The following KCTD8 variants were observed in gnomAD, a reference collection of about 807,000 sequenced individuals.
KCTD8 encodes the protein BTB/POZ domain-containing protein KCTD8.
A neutral mutation model predicts 31.5 loss-of-function variants in KCTD8; 27 were observed. The ratio of observed to expected loss-of-function variants is 0.86; its 90% confidence interval spans 0.63 to 1.18. The LOEUF is 1.18. Ranked by LOEUF, KCTD8 falls within the 50% of genes most tolerant of loss-of-function variation. The probability of loss-of-function intolerance (pLI) is 0.00; values close to 1 mark genes in which losing one functional copy is unlikely to be tolerated. For missense variants in KCTD8, 658 were observed against 647.7 expected, an observed-to-expected ratio of 1.02 and a Z score of -0.17; for synonymous variants, 290 against 280.0, an observed-to-expected ratio of 1.04 and a Z score of -0.36.
At chr4:44,441,887 G>A (rs556962187) in intron 1 of KCTD8, among the ~76,000 whole-genome samples, 79 of 152,098 alleles carry the variant, frequency 5.2e-4, no homozygotes, top group Admixed American at 1.4e-3. Context: ...CAAAATATTC[G>A]ATACCAATAT....
At chr4:44,183,108 G>A (rs1464679289) in intron 1 of KCTD8, among the ~76,000 whole-genome samples, 3 of 152,142 alleles carry the variant, frequency 2.0e-5, no homozygotes. Flanking sequence ...TAACACCTAT[G>A]CACATATGAA....
At chr4:44,342,556 G>T (rs1718931441) in intron 1 of KCTD8, among the ~76,000 whole-genome samples, 1 of 152,026 alleles carries the variant, frequency 6.6e-6, no homozygotes, top group African/African-American at 2.4e-5. Flanking sequence ...TTTCTGAATG[G>T]CAAGTATTGG....
chr4:44,299,330 C>T (rs554481476), intron 1 of KCTD8, among the ~76,000 whole-genome samples: 2 of 152,302 alleles, frequency 1.3e-5, no homozygotes, highest in Non-Finnish European at 2.9e-5. Context: ...ACCCACCAAG[C>T]CTTCTTCCAT....
intron 1 of KCTD8, among the ~76,000 whole-genome samples, chr4:44,243,416 A>C (rs1400058744): frequency 6.6e-6 from 1 of 152,208 alleles, no homozygotes; most frequent in Non-Finnish European, 1.5e-5. Context: ...CATGTGTTTA[A>C]AGTTGTAAGA....
intron 1 of KCTD8, among the ~76,000 whole-genome samples, chr4:44,406,202 A>G (rs1490684498): frequency 1.2e-4 from 18 of 152,178 alleles, no homozygotes; most frequent in Admixed American, 7.9e-4. Context: ...TTGGTAGTTC[A>G]CATGGCACCC....
At chr4:44,372,100 T>C (rs1719803212) in intron 1 of KCTD8, among the ~76,000 whole-genome samples, 1 of 152,208 alleles carries the variant, frequency 6.6e-6, no homozygotes, top group African/African-American at 2.4e-5. Context: ...TACTAGAAAA[T>C]ATTTTCATGG....
chr4:44,373,708 A>G (rs1242670316), intron 1 of KCTD8, among the ~76,000 whole-genome samples: 2 of 152,178 alleles, frequency 1.3e-5, no homozygotes, highest in African/African-American at 2.4e-5. Flanking sequence ...TAAATAAATG[A>G]AAAACATCAT....
intron 1 of KCTD8, among the ~76,000 whole-genome samples, chr4:44,214,686 T>C (rs1430272061): frequency 6.6e-6 from 1 of 152,218 alleles, no homozygotes. Flanking sequence ...CCTTGTTCAT[T>C]GCTGTGCATA....
rs566017725 is a variant in KCTD8 at position 44,447,475 on chromosome 4, C to A, written c.961+88G>T. 4 of 1,433,046 alleles carry A rather than the reference C, an allele frequency of 2.8e-6. No homozygotes were observed. In the African/African-American group the frequency reaches 4.3e-5, roughly 15 times the overall value. The allele number at this position is 1,433,046 out of a possible 1,614,324, so 88.8% of individuals were successfully genotyped here. ...AGTTAACCAGCGCCTGCCCCGGACACCCCCGCGGGGCCTCCAGCGGGGCTC... is the reference window on the plus strand; with the variant it reads ...AGTTAACCAGCGCCTGCCCCGGACAACCCCGCGGGGCCTCCAGCGGGGCTC... On this transcript the variant is annotated intron_variant, in intron 1 of 1. Coordinates refer to ENST00000360029, the MANE Select transcript of KCTD8 (RefSeq NM_198353.3).
intron 1 of KCTD8, among the ~76,000 whole-genome samples, chr4:44,294,007 C>T (rs1460156519): frequency 1.3e-5 from 2 of 151,944 alleles, no homozygotes; most frequent in African/African-American, 2.4e-5. Flanking sequence ...GCAATGCATG[C>T]CATTTTGCTT....
intron 1 of KCTD8, among the ~76,000 whole-genome samples, chr4:44,351,741 T>C (rs1719200523): frequency 1.3e-5 from 2 of 152,080 alleles, no homozygotes; most frequent in South Asian, 4.1e-4. Flanking sequence ...ATGAATGTGA[T>C]CTTTCACTAA....
At chr4:44,226,801 GCTT>G (rs1714975250) in intron 1 of KCTD8, among the ~76,000 whole-genome samples, 1 of 152,018 alleles carries the variant, frequency 6.6e-6, no homozygotes, top group Non-Finnish European at 1.5e-5. Flanking sequence ...GTGATGATGA[GCTT>G]TTTTCGTATG....
At chr4:44,403,317 A>C (rs1212872375) in intron 1 of KCTD8, among the ~76,000 whole-genome samples, 1 of 152,068 alleles carries the variant, frequency 6.6e-6, no homozygotes, top group Non-Finnish European at 1.5e-5. Flanking sequence ...AATATATTTC[A>C]ATCATACTAG....
intron 1 of KCTD8, among the ~76,000 whole-genome samples, chr4:44,256,406 A>T (rs1715996536): frequency 1.3e-5 from 2 of 151,996 alleles, no homozygotes; most frequent in Non-Finnish European, 2.9e-5. Flanking sequence ...AAATATAAAA[A>T]GCTTATAGAA....
At chr4:44,447,527 G>GC (rs1721972606) in intron 1 of KCTD8, 36 bp downstream of exon 1, 3 of 1,498,948 alleles carry the variant, frequency 2.0e-6, no homozygotes, top group Non-Finnish European at 2.7e-6. Context: ...AGCAGGGGGC[G>GC]AGGGGTGCTG....
intron 1 of KCTD8, among the ~76,000 whole-genome samples, chr4:44,396,461 T>A (rs6851238): frequency 0.26 from 40,227 of 151,894 alleles, 5,914 homozygotes; most frequent in East Asian, 0.39. Flanking sequence ...GTTGTTTTTT[T>A]TTTTCTTTTA....
At chr4:44,222,569 C>T (rs538062581) in intron 1 of KCTD8, among the ~76,000 whole-genome samples, 1 of 152,278 alleles carries the variant, frequency 6.6e-6, no homozygotes, top group South Asian at 2.1e-4. Flanking sequence ...AGTAAGATAC[C>T]TGGTGTACCT....
At chr4:44,251,052 T>C (rs903894489) in intron 1 of KCTD8, among the ~76,000 whole-genome samples, 20 of 151,752 alleles carry the variant, frequency 1.3e-4, no homozygotes, top group Admixed American at 7.9e-4. Context: ...GTTTTCCATA[T>C]GGATAGCCAA....
At chr4:44,293,071 C>G (rs1176788545) in intron 1 of KCTD8, among the ~76,000 whole-genome samples, 1 of 151,906 alleles carries the variant, frequency 6.6e-6, no homozygotes, top group Non-Finnish European at 1.5e-5. Flanking sequence ...ATAAAATGCT[C>G]AAATAAAATA....
Sources: allele counts gnomAD v4.1 joint callset (sites outside exome capture counted in the v4.1 genomes callset), GRCh38; gene constraint gnomAD v4.1.1; transcripts MANE v1.5; gene names NCBI Gene and HGNC (gene_info 2026-07-23, HGNC 2026-07-21).